HELZ2: variants seen among roughly 807,000 people sequenced by gnomAD.
HELZ2 encodes the protein 3'-5' exoribonuclease HELZ2.
Under a neutral mutation model 208.8 loss-of-function variants are expected in HELZ2, and 143 were observed. That is an observed-to-expected ratio of 0.68 (90% CI 0.60 to 0.79). The LOEUF (loss-of-function observed/expected upper bound fraction) is 0.79. HELZ2 is among the 30% of genes least tolerant of loss of function. The pLI, the probability that HELZ2 is intolerant of heterozygous loss-of-function variation, is 0.00. For synonymous variants in HELZ2, 1,705 were observed against 1,693.7 expected (o/e 1.01, Z -0.16); for missense variants, 3,690 against 3,794.5 (o/e 0.97, Z 0.72).
chr20:63,565,784 G>A (rs747970989), exon 8 of HELZ2: 22 of 1,600,054 alleles, frequency 1.4e-5, no homozygotes, highest in South Asian at 1.2e-4. Context: ...TGTGGTTGCC[G>A]TGATGTCACG....
chr20:63,566,050 G>A lies in HELZ2; in HGVS notation c.2772C>T (p.Cys924=), dbSNP rs559661447. The change falls in exon 8 of 19, where the codon TGC becomes TGT. Residue 924 remains cysteine (C), a synonymous_variant. Transcript: ENST00000467148. Reference sequence around the variant, plus strand: ...GGATGAAGCTCTCCCAGAGCTTGCCGCAGGCCCCGAAGGAGCAGAGGGCCA... The same window carrying A: ...GGATGAAGCTCTCCCAGAGCTTGCCACAGGCCCCGAAGGAGCAGAGGGCCA... 172 of 1,588,768 alleles carry A rather than the reference G, an allele frequency of 1.1e-4. 2 individuals carry two copies. In the South Asian group the frequency reaches 1.5e-3, roughly 14 times the overall value.
At chr20:63,571,977 C>T in intron 1 of HELZ2, 131 bp downstream of exon 2, 1 of 1,103,220 alleles carries the variant, frequency 9.1e-7, no homozygotes. Context: ...TCCTGCCCTA[C>T]TCCAAGCTCC....
chr20:63,569,096 AT>A, intron 4 of HELZ2, 51 bp downstream of exon 5: 1 of 1,583,502 alleles, frequency 6.3e-7, no homozygotes, highest in Non-Finnish European at 8.6e-7. Flanking sequence ...AGCCGCTCCC[AT>A]TGCCCCAGCT....
rs1015092589 is a variant in HELZ2 at position 63,561,671 on chromosome 20, C to T, written c.6766G>A (p.Val2256Met). 1.1e-5 allele frequency: 17 copies of T among 1,612,454 alleles called. No individual in the cohort carries two copies. The highest frequency in any genetic ancestry group is 1.7e-5 in the Admixed American group (1 of 59,976). The change falls in exon 12 of 19, where the codon GTG (valine) becomes ATG (methionine). Residue 2256 changes from valine to methionine, a missense_variant. Val to Met is a conservative substitution (Grantham distance 21, BLOSUM62 1). Transcript: ENST00000467148. ...AGCTTCCTGCTGCCCACACGCGGCA[C>T]TGGGAACTCGCTGGCCTCAGCCTGC...
chr20:63,562,235 G>A, intron 9 of HELZ2, 32 bp from the exon 11 acceptor site: 3 of 1,606,590 alleles, frequency 1.9e-6, no homozygotes, highest in Non-Finnish European at 2.6e-6. Context: ...GAGCACTCAT[G>A]CAGGGTGGGG....
chr20:63,569,007 G>T lies in HELZ2; in HGVS notation c.1089-8C>A. ...TGGCCCCGCAGGGTCAGCCTGGCAG[G>T]ATGGCCTGGGTCAGCTCATGGGGCC... On this transcript the variant is annotated splice_region_variant and splice_polypyrimidine_tract_variant and intron_variant, in intron 4 of 18. Transcript: ENST00000467148. The T allele has an allele frequency of 6.2e-7, 1 of 1,600,924 alleles. No individual in the cohort carries two copies. The highest frequency in any genetic ancestry group is 8.5e-7 in the Non-Finnish European group (1 of 1,179,760).
In HELZ2 at chr20:63,565,969, G is replaced by C. The variant is rs115761351; in HGVS notation, c.2853C>G (p.Val951=). 5 of 1,599,038 alleles carry C rather than the reference G, an allele frequency of 3.1e-6. No homozygotes were observed. The African/African-American group carries it at 6.7e-5, about 21-fold the overall frequency. ...GCCGTCTCTGCGCCACACCCTGCTC[G>C]ACCTGCTCCATGGACAGGCCCTCGG... Residue 951 remains valine, a synonymous_variant, in exon 8 of 19, where the codon GTC becomes GTG. Transcript: ENST00000467148.
exon 8 of HELZ2, chr20:63,565,134 C>G (rs765553057): frequency 6.3e-7 from 1 of 1,579,664 alleles, no homozygotes; most frequent in Non-Finnish European, 8.6e-7. Context: ...TCCTTCAGCT[C>G]GGCCACGAAG....
chr20:63,566,953 G>C, exon 6 of HELZ2: 1 of 1,611,050 alleles, frequency 6.2e-7, no homozygotes, highest in Non-Finnish European at 8.5e-7. Flanking sequence ...CGCAATCTCA[G>C]CCAGATTCAG....
upstream of HELZ2, chr20:63,572,680 G>A (rs780177450): frequency 1.4e-4 from 55 of 395,312 alleles, no homozygotes; most frequent in Non-Finnish European, 2.0e-4. Context: ...GGATGGCGTC[G>A]GCCGCCCGGC....
chr20:63,566,295 G>A, intron 7 of HELZ2, 64 bp from the exon 9 acceptor site: 4 of 1,501,970 alleles, frequency 2.7e-6, no homozygotes, highest in Non-Finnish European at 3.6e-6. Context: ...CCCCACCCCT[G>A]CCGATGCCAG....
At chr20:63,569,179 C>G in exon 4 of HELZ2, 2 of 1,550,630 alleles carry the variant, frequency 1.3e-6, no homozygotes, top group Non-Finnish European at 1.7e-6. Flanking sequence ...GCCGCCTCCT[C>G]CTCATAGAGA....
downstream of HELZ2, chr20:63,559,166 TG>T: frequency 1.7e-6 from 2 of 1,151,632 alleles, no homozygotes; most frequent in Non-Finnish European, 2.2e-6. Context: ...GGCAGGCTGA[TG>T]GCGGAGGGTG....
At chr20:63,562,156 C>G in exon 10 of HELZ2, 1 of 1,612,070 alleles carries the variant, frequency 6.2e-7, no homozygotes, top group Non-Finnish European at 8.5e-7. Flanking sequence ...TTGTGGCGGC[C>G]TCCGGGGATG....
Position 63,560,342 on chromosome 20 carries a change from G to C in HELZ2, c.7501-15C>G, listed in dbSNP as rs1467161063. On this transcript the variant is annotated splice_polypyrimidine_tract_variant and intron_variant, in intron 16 of 18. Transcript: ENST00000467148. The stretch of plus-strand genomic sequence containing the variant: ...GTGATACGGACCTGAGGAGCCGAGG[G>C]GGCAGGTGGAGCGGACCCTGGTGTC... 2 of 1,555,096 alleles carry C rather than the reference G, an allele frequency of 1.3e-6. No homozygotes were observed. Among genetic ancestry groups the C allele is most frequent in the Non-Finnish European group, 8.7e-7 (1 of 1,154,792 alleles).
chr20:63,566,244 C>T lies in HELZ2; in HGVS notation c.2591-13G>A, dbSNP rs373669807. On this transcript the variant is annotated splice_polypyrimidine_tract_variant and intron_variant, in intron 7 of 18. Coordinates refer to ENST00000467148, the Ensembl canonical transcript of HELZ2. The stretch of plus-strand genomic sequence containing the variant: ...CGGAACTGCCGCCCTGCAGGGGGCA[C>T]GCAGTCAGGTCAGGCTGGGTGCGCA... 4.7e-5 allele frequency: 69 copies of T among 1,483,598 alleles called. No homozygotes were observed. Among genetic ancestry groups the T allele is most frequent in the Non-Finnish European group, 3.6e-5 (40 of 1,112,392 alleles). The allele number at this position is 1,483,598 out of a possible 1,614,324, so 91.9% of individuals were successfully genotyped here. A position where few individuals can be genotyped will look rare whatever the true frequency, so the allele number is the denominator to read the frequency against.
chr20:63,572,767 G>A (rs949233095), upstream of HELZ2: 21 of 213,704 alleles, frequency 9.8e-5, 1 homozygote, highest in Middle Eastern at 6.3e-3. Flanking sequence ...GACGCTCGAA[G>A]GTCCAGACCA....
rs750673261 is a variant in HELZ2 at position 63,560,746 on chromosome 20, GC to G, written c.7281+48del. The G allele has an allele frequency of 7.5e-6, 12 of 1,604,084 alleles. No homozygotes were observed. In the Admixed American group the frequency reaches 1.3e-4, roughly 18 times the overall value. Reference sequence around the variant, plus strand: ...TCAGAGGCTGCCACGCGGGGTTGTGGCCCCCCAGGGGCTGCAGGTGGGCTGG... The same window carrying G: ...TCAGAGGCTGCCACGCGGGGTTGTGGCCCCCAGGGGCTGCAGGTGGGCTGG... On this transcript the variant is annotated intron_variant, in intron 15 of 18. Coordinates refer to ENST00000467148, the Ensembl canonical transcript of HELZ2.
chr20:63,567,476 G>A lies in HELZ2; in HGVS notation c.1882C>T (p.Gln628Ter). 3.9e-6 allele frequency: 6 copies of A among 1,555,888 alleles called. No individual in the cohort carries two copies. The highest frequency in any genetic ancestry group is 5.2e-6 in the Non-Finnish European group (6 of 1,150,000). The stretch of plus-strand genomic sequence containing the variant: ...GCCCGTGTGGGCGGGCGGAAAGCCT[G>A]GCGGTCGTCGGTCAGGCAACAGTAC... Residue 628 changes from glutamine (Q) to a stop codon, truncating the protein, a stop_gained, in exon 6 of 19, where the codon CAG (glutamine) becomes TAG (stop). Coordinates refer to ENST00000467148, the Ensembl canonical transcript of HELZ2. LOFTEE classifies it high-confidence loss of function.
Sources: allele counts gnomAD v4.1 joint callset, GRCh38; gene constraint gnomAD v4.1.1; transcripts MANE v1.5; gene names NCBI Gene and HGNC (gene_info 2026-07-23, HGNC 2026-07-21).